Variants in IKZF5 observed in about 807,000 individuals in gnomAD.
IKZF5 encodes IKAROS family zinc finger 5.
In IKZF5, 4 loss-of-function variants were observed where a neutral mutation model predicts 30.7. That is an observed-to-expected ratio of 0.13 (90% CI 0.06 to 0.30). The LOEUF (loss-of-function observed/expected upper bound fraction) is 0.30, where lower values mean the gene tolerates loss of function less well. Ranked by LOEUF, IKZF5 falls within the 10% of genes least tolerant of loss-of-function variation. IKZF5 has a pLI of 1.00. For synonymous variants in IKZF5, 148 were observed against 179.6 expected (o/e 0.82, Z 1.41); for missense variants, 348 against 525.5 (o/e 0.66, Z 3.30).
chr10:122,991,176 CA>C lies in IKZF5; in HGVS notation c.*2603del, dbSNP rs1484281311. On this transcript the variant is annotated 3_prime_UTR_variant, in exon 5 of 5. Transcript: ENST00000368886. ...CCAGTTTTTGCAGAAGAATGGCAAA[CA>C]CTTATTTCTAAAATGAAATAGCCCT... The C allele has an allele frequency of 6.6e-6, 1 of 151,986 alleles. No individual in the cohort carries two copies. The highest frequency in any genetic ancestry group is 1.5e-5 in the Non-Finnish European group (1 of 67,978). The allele number at this position is 151,986 out of a possible 1,614,324, so 9.4% of individuals were successfully genotyped here.
intron 4 of IKZF5, among the ~76,000 whole-genome samples, chr10:122,995,552 A>T (rs184549238): frequency 6.6e-6 from 1 of 152,356 alleles, no homozygotes; most frequent in Non-Finnish European, 1.5e-5. Flanking sequence ...GGGCAGATGT[A>T]GTTGGGAAAG....
rs898347965 is a variant in IKZF5 at position 122,994,890 on chromosome 10, A to C, written c.317-167T>G. 1.2e-5 allele frequency: 7 copies of C among 605,024 alleles called. No homozygotes were observed. Among genetic ancestry groups the C allele is most frequent in the South Asian group, 4.3e-5 (2 of 46,332 alleles). The allele number at this position is 605,024 out of a possible 1,614,324, so 37.5% of individuals were successfully genotyped here. A position where few individuals can be genotyped will look rare whatever the true frequency, so the allele number is the denominator to read the frequency against. On this transcript the variant is annotated intron_variant, in intron 4 of 4. Coordinates refer to ENST00000368886, the MANE Select transcript of IKZF5 (RefSeq NM_001372123.1). The surrounding 1 kb of genome is among the most constrained non-coding windows in gnomAD (Gnocchi z 5.6). The stretch of plus-strand genomic sequence containing the variant: ...GTTAAAATTTGTAAATAAACCCACA[A>C]ATTGAAATAAAGCTTAAGAACTCAT...
chr10:123,006,425 T>C (rs1327593549), intron 2 of IKZF5, among the ~76,000 whole-genome samples: 3 of 152,108 alleles, frequency 2.0e-5, no homozygotes, highest in Admixed American at 6.5e-5. Flanking sequence ...CCCCCCAGCC[T>C]CTTAACCAGT....
chr10:122,990,909 T>C lies in IKZF5; in HGVS notation c.*2871A>G, dbSNP rs1849141645. On this transcript the variant is annotated 3_prime_UTR_variant, in exon 5 of 5. Coordinates refer to ENST00000368886, the MANE Select transcript of IKZF5 (RefSeq NM_001372123.1). ...TTCTGCATTAAACTGCTTTCCGGAA[T>C]CCCTAAACAATATAGTGTATTGTAC... is the stretch of plus-strand genomic sequence containing the variant. The C allele has an allele frequency of 6.6e-6, 1 of 150,410 alleles. No homozygotes were observed. Among genetic ancestry groups the C allele is most frequent in the Non-Finnish European group, 1.5e-5 (1 of 67,802 alleles). 9.3% of individuals were successfully genotyped at this position (150,410 alleles called of 1,614,324 possible).
At position 122,998,998 on chromosome 10, in the gene IKZF5, G is replaced by A. The variant is rs548034689; in HGVS notation, c.-46-327C>T. Among the ~76,000 whole-genome samples the A allele has an allele frequency of 3.2e-4, 49 of 152,188 alleles. No individual in the cohort carries two copies. In the East Asian group the frequency reaches 7.5e-3, roughly 23 times the overall value. On this transcript the variant is annotated intron_variant, in intron 2 of 4. Transcript: ENST00000368886. ...AAGAAGACAAGAAACCAAGGAGACC[G>A]GAGACCAACATAGGGAGAACTTGTC...
chr10:122,993,972 C>T lies in IKZF5; in HGVS notation c.1068G>A (p.Pro356=), dbSNP rs376306904. The change falls in exon 5 of 5, where the codon CCG becomes CCA. Residue 356 remains proline (P), a synonymous_variant. Coordinates refer to ENST00000368886, the MANE Select transcript of IKZF5 (RefSeq NM_001372123.1). ...SQPSTPAPAL[P]VQDPQLLHHC... ...GGTGCAGAAGCTGAGGGTCCTGGAC[C>T]GGCAGGGCTGGGGCTGGGGTGCTTG... is the stretch of plus-strand genomic sequence containing the variant. The T allele has an allele frequency of 3.1e-5, 50 of 1,613,928 alleles. 1 individual carries two copies. Among genetic ancestry groups the T allele is most frequent in the East Asian group, 6.7e-5 (3 of 44,882 alleles).
Position 122,998,483 on chromosome 10 carries a change from A to G in IKZF5, c.133+10T>C. Reference sequence around the variant, plus strand: ...AAGTGAATTACTTAGTAGTATTAAAATGAGTCTACCTCCCTGAAGAGCCTC... The same window carrying G: ...AAGTGAATTACTTAGTAGTATTAAAGTGAGTCTACCTCCCTGAAGAGCCTC... On this transcript the variant is annotated intron_variant, in intron 3 of 4. Coordinates refer to ENST00000368886, the MANE Select transcript of IKZF5 (RefSeq NM_001372123.1). 1 of 1,603,298 alleles carries G rather than the reference A, an allele frequency of 6.2e-7. No homozygotes were observed. The highest frequency in any genetic ancestry group is 1.3e-5 in the African/African-American group (1 of 74,418).
At chr10:123,007,712 A>G (rs113090142) in intron 1 of IKZF5, among the ~76,000 whole-genome samples, 76 of 152,336 alleles carry the variant, frequency 5.0e-4, no homozygotes, top group South Asian at 2.9e-3. Context: ...CTAGGGGAAA[A>G]TAACACCAGA....
intron 2 of IKZF5, among the ~76,000 whole-genome samples, chr10:123,000,849 A>ATG (rs1849554870): frequency 6.6e-6 from 1 of 152,112 alleles, no homozygotes; most frequent in East Asian, 1.9e-4. Context: ...AACCACTTAG[A>ATG]TACCCTCTGT....
At chr10:123,005,505 T>A (rs1849748186) in intron 2 of IKZF5, among the ~76,000 whole-genome samples, 1 of 152,250 alleles carries the variant, frequency 6.6e-6, no homozygotes, top group Non-Finnish European at 1.5e-5. Flanking sequence ...ACTTAAGTAT[T>A]CTCCAGTATT....
chr10:123,002,219 C>T (rs1367860279), intron 2 of IKZF5, among the ~76,000 whole-genome samples: 1 of 152,022 alleles, frequency 6.6e-6, no homozygotes, highest in East Asian at 1.9e-4. Flanking sequence ...GTTCTAGGGG[C>T]TTTTAAAAAT....
intron 2 of IKZF5, among the ~76,000 whole-genome samples, chr10:123,002,343 C>G (rs1168557319): frequency 6.6e-6 from 1 of 151,316 alleles, no homozygotes; most frequent in Non-Finnish European, 1.5e-5. Flanking sequence ...ATGGTGAAAC[C>G]CCATCTCTAC....
rs1468057270 is a variant in IKZF5, at chr10:122,994,177, A to C, written c.863T>G (p.Ile288Ser). 6.8e-6 allele frequency: 11 copies of C among 1,614,078 alleles called. No homozygotes were observed. The highest frequency in any genetic ancestry group is 9.3e-6 in the Non-Finnish European group (11 of 1,180,054). The change falls in exon 5 of 5, where the codon ATT (isoleucine) becomes AGT (serine). Residue 288 changes from isoleucine (I) to serine (S), a missense_variant. Physicochemically the swap from Ile to Ser is moderately radical, Grantham distance 142 (BLOSUM62 -2). This residue lies in a region of IKZF5 where 176 missense variants were observed against 198.2 expected (regional missense o/e 0.89). Coordinates refer to ENST00000368886, the MANE Select transcript of IKZF5 (RefSeq NM_001372123.1). The surrounding 1 kb of genome is among the most constrained non-coding windows in gnomAD (Gnocchi z 5.6). ...TACTGCTTGGGTAGAGGGCTGCTGA[A>C]TCATGAAAGGCTTTTCATCAGGGCA... The part of the protein sequence containing the change: ...VPCPDEKPFM[I>S]QQPSTQAVVS...
In IKZF5 at chr10:122,994,801, C is replaced by T. The variant is rs1564736015; in HGVS notation, c.317-78G>A. 2 of 1,147,770 alleles carry T rather than the reference C, an allele frequency of 1.7e-6. No homozygotes were observed. Among genetic ancestry groups the T allele is most frequent in the Admixed American group, 4.8e-5 (2 of 41,280 alleles). 71.1% of individuals were successfully genotyped at this position (1,147,770 alleles called of 1,614,324 possible). ...AAGTTTTGCTTGTCCATTCATTGGACAACTGGAAATTGATCAAAAAGAAAA... is the reference window on the plus strand; with the variant it reads ...AAGTTTTGCTTGTCCATTCATTGGATAACTGGAAATTGATCAAAAAGAAAA... On this transcript the variant is annotated intron_variant, in intron 4 of 4. Transcript: ENST00000368886. The surrounding 1 kb of genome is among the most constrained non-coding windows in gnomAD (Gnocchi z 5.6).
chr10:123,002,238 G>A (rs577553652), intron 2 of IKZF5, among the ~76,000 whole-genome samples: 1 of 152,008 alleles, frequency 6.6e-6, no homozygotes, highest in African/African-American at 2.4e-5. Flanking sequence ...ATTATTAGTG[G>A]CCGGGCGCAG....
Position 122,993,733 on chromosome 10 carries a change from C to T in IKZF5, c.*47G>A. 2 of 1,405,250 alleles carry T rather than the reference C, an allele frequency of 1.4e-6. No homozygotes were observed. Among genetic ancestry groups the T allele is most frequent in the South Asian group, 1.4e-5 (1 of 71,556 alleles). 87.0% of individuals were successfully genotyped at this position (1,405,250 alleles called of 1,614,324 possible). A position where few individuals can be genotyped will look rare whatever the true frequency, so the allele number is the denominator to read the frequency against. Reference sequence around the variant, plus strand: ...TGACCAAAACAAAAAACAAAAAAAACCAAACCACAAAAACAGCAAAACTAA... The same window carrying T: ...TGACCAAAACAAAAAACAAAAAAAATCAAACCACAAAAACAGCAAAACTAA... On this transcript the variant is annotated 3_prime_UTR_variant, in exon 5 of 5. Coordinates refer to ENST00000368886, the MANE Select transcript of IKZF5 (RefSeq NM_001372123.1).
intron 3 of IKZF5, 199 bp downstream of exon 3, chr10:122,998,294 A>C: frequency 2.2e-6 from 1 of 447,230 alleles, no homozygotes; most frequent in South Asian, 5.0e-5. Context: ...ACAAGACCAT[A>C]ATGCATCTCC....
intron 2 of IKZF5, among the ~76,000 whole-genome samples, chr10:123,000,206 C>T (rs528897636): frequency 1.3e-5 from 2 of 152,294 alleles, no homozygotes; most frequent in East Asian, 1.9e-4. Context: ...CCAGAAACCC[C>T]CCTCGTGTAC....
Position 122,994,997 on chromosome 10 carries a change from A to G in IKZF5, c.317-274T>C. 2 of 367,106 alleles carry G rather than the reference A, an allele frequency of 5.4e-6. No homozygotes were observed. The highest frequency in any genetic ancestry group is 9.8e-6 in the Non-Finnish European group (2 of 205,044). 22.7% of individuals were successfully genotyped at this position (367,106 alleles called of 1,614,324 possible). ...GTTATGGCTTCGAATGCATTTAGAG[A>G]GAAGAAACAGTACAATTGAAATATT... On this transcript the variant is annotated intron_variant, in intron 4 of 4. Coordinates refer to ENST00000368886, the MANE Select transcript of IKZF5 (RefSeq NM_001372123.1). The surrounding 1 kb of genome is among the most constrained non-coding windows in gnomAD (Gnocchi z 5.6).
Sources: gnomAD v4.1 joint callset for allele counts (sites outside exome capture counted in the v4.1 genomes callset) on GRCh38, gnomAD v4.1.1 for gene constraint, gnomAD v4.1.1 regional missense constraint, Gnocchi (gnomAD v3.1) non-coding constraint, MANE v1.5 for transcripts, NCBI Gene and HGNC (gene_info 2026-07-23, HGNC 2026-07-21) for gene names.